KIF20B: variants seen among roughly 807,000 people sequenced by gnomAD.
The protein encoded by KIF20B is kinesin-like protein KIF20B.
In KIF20B, 188 loss-of-function variants were observed where a neutral mutation model predicts 232.5. The observed-to-expected ratio is 0.81, with a 90% CI of 0.72 to 0.91. KIF20B has a LOEUF of 0.91. KIF20B is among the 40% of genes least tolerant of loss of function. The pLI, the probability that KIF20B is intolerant of heterozygous loss-of-function variation, is 0.00. For synonymous variants in KIF20B, 712 were observed against 683.0 expected, an observed-to-expected ratio of 1.04 and a Z score of -0.66; for missense variants, 2,154 against 2,055.9, an observed-to-expected ratio of 1.05 and a Z score of -0.92.
chr10:89,724,465 G>C (rs934764454), intron 14 of KIF20B, among the ~76,000 whole-genome samples: 2 of 152,092 alleles, frequency 1.3e-5, no homozygotes, highest in African/African-American at 4.8e-5. Flanking sequence ...GGAGGTGTAG[G>C]TTGCAGTGAG....
At chr10:89,718,163 C>T (rs1468742887) in intron 11 of KIF20B, among the ~76,000 whole-genome samples, 2 of 152,150 alleles carry the variant, frequency 1.3e-5, no homozygotes, top group Non-Finnish European at 2.9e-5. Context: ...TACTAGGGAA[C>T]ATAACCCAGT....
intron 9 of KIF20B, among the ~76,000 whole-genome samples, 170 bp downstream of exon 9, chr10:89,716,717 T>C (rs1479383845): frequency 6.6e-6 from 1 of 152,198 alleles, no homozygotes; most frequent in Non-Finnish European, 1.5e-5. Context: ...TTATCAATAC[T>C]GTTTCCTGTC....
chr10:89,719,757 A>C, intron 13 of KIF20B, 51 bp downstream of exon 13: 1 of 1,421,654 alleles, frequency 7.0e-7, no homozygotes, highest in Non-Finnish European at 9.5e-7. Context: ...TTCTGAAGTT[A>C]AGGTTAAATC....
At chr10:89,757,022 T>TTG (rs377304425) in intron 26 of KIF20B, among the ~76,000 whole-genome samples, 10,076 of 122,540 alleles carry the variant, frequency 0.082, 542 homozygotes, top group Admixed American at 0.11. Context: ...TATATCTCTG[T>TTG]TGTGTGTGTG....
In KIF20B at chr10:89,729,182, A is replaced by C. The variant is rs779346249; in HGVS notation, c.2326A>C (p.Lys776Gln). Residue 776 changes from lysine to glutamine, a missense_variant, in exon 18 of 33, where the codon AAA (lysine) becomes CAA (glutamine). By Grantham distance (53) the Lys-to-Gln change is moderately conservative. Coordinates refer to ENST00000371728, the MANE Select transcript of KIF20B (RefSeq NM_001284259.2). ...AGAATTGATAAATATAATTGATCAA[A>C]AAGAAGATACTATCAACGAATTTCA... ...IKELINIIDQ[K>Q]EDTINEFQNL... 6.8e-7 allele frequency: 1 copy of C among 1,478,206 alleles called. No homozygotes were observed. The allele number at this position is 1,478,206 out of a possible 1,614,324, so 91.6% of individuals were successfully genotyped here. A position where few individuals can be genotyped will look rare whatever the true frequency, so the allele number is the denominator to read the frequency against.
intron 21 of KIF20B, among the ~76,000 whole-genome samples, chr10:89,742,193 C>A (rs546427818): frequency 3.4e-4 from 52 of 152,286 alleles, no homozygotes; most frequent in African/African-American, 1.2e-3. Flanking sequence ...GGCCACAATT[C>A]ATGATAATTG....
At chr10:89,772,957 C>T (rs1192802562) in intron 32 of KIF20B, 126 bp downstream of exon 32, 2 of 704,792 alleles carry the variant, frequency 2.8e-6, no homozygotes, top group Non-Finnish European at 4.5e-6. Context: ...TGCTTTTAGT[C>T]TCACATGTGT....
chr10:89,726,493 C>G lies in KIF20B; in HGVS notation c.2202C>G (p.Thr734=). The part of the protein sequence containing the change: ...LAKTKGELIK[T]KEELKKRENE... ...AAACCAAAGGAGAATTAATCAAAACCAAAGAAGAGTTAAAAAAGAGAGAAA... is the reference window on the plus strand; with the variant it reads ...AAACCAAAGGAGAATTAATCAAAACGAAAGAAGAGTTAAAAAAGAGAGAAA... The change falls in exon 16 of 33, where the codon ACC becomes ACG. Residue 734 remains threonine (T), a synonymous_variant. Coordinates refer to ENST00000371728, the MANE Select transcript of KIF20B (RefSeq NM_001284259.2). 1 of 1,596,950 alleles carries G rather than the reference C, an allele frequency of 6.3e-7. No homozygotes were observed. Among genetic ancestry groups the G allele is most frequent in the Non-Finnish European group, 8.5e-7 (1 of 1,171,126 alleles).
At chr10:89,771,903 G>GT (rs1212732505) in intron 31 of KIF20B, among the ~76,000 whole-genome samples, 2 of 151,868 alleles carry the variant, frequency 1.3e-5, no homozygotes, top group Non-Finnish European at 2.9e-5. Context: ...GAAATAAGTG[G>GT]TTAAAAAGCT....
chr10:89,768,400 T>C lies in KIF20B; in HGVS notation c.5091+9T>C, dbSNP rs767529226. On this transcript the variant is annotated intron_variant, in intron 30 of 32. Transcript: ENST00000371728. Reference sequence around the variant, plus strand: ...TCAAAAAGGAACAAAAGGTGTGTCTTTTAATTTGTCCAAAATTGTAGCAAT... The same window carrying C: ...TCAAAAAGGAACAAAAGGTGTGTCTCTTAATTTGTCCAAAATTGTAGCAAT... 6.8e-7 allele frequency: 1 copy of C among 1,475,192 alleles called. No homozygotes were observed. Among genetic ancestry groups the C allele is most frequent in the East Asian group, 2.3e-5 (1 of 43,850 alleles). The allele number at this position is 1,475,192 out of a possible 1,614,324, so 91.4% of individuals were successfully genotyped here. A position where few individuals can be genotyped will look rare whatever the true frequency, so the allele number is the denominator to read the frequency against.
intron 21 of KIF20B, among the ~76,000 whole-genome samples, chr10:89,741,987 T>C (rs1194594324): frequency 6.6e-6 from 1 of 152,162 alleles, no homozygotes; most frequent in African/African-American, 2.4e-5. Flanking sequence ...GCAATTCAGA[T>C]AAGCCAAAAT....
intron 26 of KIF20B, among the ~76,000 whole-genome samples, chr10:89,757,301 A>G (rs939813388): frequency 2.0e-5 from 3 of 151,780 alleles, no homozygotes; most frequent in Admixed American, 6.6e-5. Flanking sequence ...GGCTGTGCCT[A>G]TACAAGTTCC....
chr10:89,739,138 A>G (rs748105330), intron 21 of KIF20B, 42 bp downstream of exon 21: 14 of 1,589,980 alleles, frequency 8.8e-6, no homozygotes, highest in South Asian at 2.3e-5. Context: ...TATGATAAAG[A>G]TTGTTTTCCT....
chr10:89,711,710 C>T (rs932258574), intron 6 of KIF20B, among the ~76,000 whole-genome samples: 3 of 151,756 alleles, frequency 2.0e-5, no homozygotes, highest in African/African-American at 7.3e-5. Context: ...AGAGATCTTA[C>T]TATGCTTACC....
chr10:89,773,318 G>C (rs1248655038), intron 32 of KIF20B, among the ~76,000 whole-genome samples: 1 of 151,964 alleles, frequency 6.6e-6, no homozygotes, highest in Non-Finnish European at 1.5e-5. Context: ...CACAGGGAAA[G>C]CTCAAATTTT....
Position 89,709,243 on chromosome 10 carries a change from T to C in KIF20B, c.224T>C (p.Leu75Pro), listed in dbSNP as rs755701011. 2.5e-6 allele frequency: 4 copies of C among 1,608,252 alleles called. No homozygotes were observed. Among genetic ancestry groups the C allele is most frequent in the Non-Finnish European group, 3.4e-6 (4 of 1,176,142 alleles). ...CCATTTACACAGTCAGAAAAAGAAC[T>C]TGAGTCTGAGGTTTGTGTTGAATTT... ...IRPFTQSEKELESEGCVHILD... is the reference protein window; with the variant it reads ...IRPFTQSEKEPESEGCVHILD... Residue 75 changes from leucine to proline, a missense_variant, in exon 3 of 33, where the codon CTT (leucine) becomes CCT (proline). Transcript: ENST00000371728.
Position 89,743,941 on chromosome 10 carries a change from T to C in KIF20B, c.4035+14T>C, listed in dbSNP as rs762266576. On this transcript the variant is annotated intron_variant, in intron 22 of 32. Coordinates refer to ENST00000371728, the MANE Select transcript of KIF20B (RefSeq NM_001284259.2). ...CAGCAACTCAAGGTAAACAGTTTTG[T>C]TTTTAAAGATGATTTAAATGCATTC... 6.4e-7 allele frequency: 1 copy of C among 1,571,242 alleles called. No individual in the cohort carries two copies. The highest frequency in any genetic ancestry group is 1.2e-5 in the South Asian group (1 of 81,246).
chr10:89,710,020 T>G lies in KIF20B; in HGVS notation c.445T>G (p.Phe149Val). ...DLLKGQSRLI[F>V]TYGLTNSGKT... ...CTTGAAAGGACAGAGTCGTCTGATT[T>G]TTACTTACGGGCTAACCAATTCAGG... Residue 149 changes from phenylalanine to valine, a missense_variant, in exon 5 of 33, where the codon TTT becomes GTT. Transcript: ENST00000371728. The G allele has an allele frequency of 6.2e-7, 1 of 1,611,044 alleles. No individual in the cohort carries two copies. The highest frequency in any genetic ancestry group is 2.2e-5 in the East Asian group (1 of 44,722).
At chr10:89,719,007 AG>A (rs1842993086) in intron 12 of KIF20B, 135 bp downstream of exon 12, 1 of 584,506 alleles carries the variant, frequency 1.7e-6, no homozygotes, top group Non-Finnish European at 2.8e-6. Flanking sequence ...CCAAGTAGGA[AG>A]ACATGAGAAA....
Sources: gnomAD v4.1 joint callset for allele counts (sites outside exome capture counted in the v4.1 genomes callset) on GRCh38, gnomAD v4.1.1 for gene constraint, MANE v1.5 for transcripts, NCBI Gene and HGNC (gene_info 2026-07-23, HGNC 2026-07-21) for gene names.